PDE4D: variants seen among roughly 807,000 people sequenced by gnomAD.
The protein encoded by PDE4D is 3',5'-cyclic-AMP phosphodiesterase 4D.
Under a neutral mutation model 87.4 loss-of-function variants are expected in PDE4D, and 24 were observed. The ratio of observed to expected loss-of-function variants is 0.27; its 90% CI spans 0.20 to 0.39. PDE4D has a LOEUF of 0.39. PDE4D is among the 10% of genes least tolerant of loss of function. The pLI is 1.00. For missense variants in PDE4D, 714 were observed against 1,041.0 expected (o/e 0.69, Z 4.32); for synonymous variants, 384 against 383.2 (o/e 1.00, Z -0.02).
At chr5:59,384,508 C>T (rs961766979) in intron 1 of PDE4D, among the ~76,000 whole-genome samples, 32 of 151,984 alleles carry the variant, frequency 2.1e-4, no homozygotes, top group African/African-American at 6.8e-4. Context: ...AGCTCCCTGT[C>T]GATGATATGT....
intron 1 of PDE4D, among the ~76,000 whole-genome samples, chr5:60,214,682 G>T (rs1423967671): frequency 1.3e-5 from 2 of 152,056 alleles, no homozygotes; most frequent in Admixed American, 1.3e-4. Context: ...TTTTAACCAT[G>T]GTGCATGGTC....
At chr5:60,171,335 T>C (rs1172238723) in intron 2 of PDE4D, among the ~76,000 whole-genome samples, 1 of 152,038 alleles carries the variant, frequency 6.6e-6, no homozygotes. Context: ...CGGGGAGAGA[T>C]ACTCTTTACA....
intron 1 of PDE4D, among the ~76,000 whole-genome samples, chr5:59,633,760 A>T (rs1831870791): frequency 6.6e-6 from 1 of 152,176 alleles, no homozygotes. Flanking sequence ...GAAAGGAAAA[A>T]CTGATACCAG....
intron 1 of PDE4D, among the ~76,000 whole-genome samples, chr5:60,373,429 T>C (rs1761189518): frequency 6.6e-6 from 1 of 152,182 alleles, no homozygotes; most frequent in Non-Finnish European, 1.5e-5. Context: ...ATGGGTTTTC[T>C]ATTATGTTTA....
At chr5:59,936,192 T>C (rs1581809570) in intron 3 of PDE4D, among the ~76,000 whole-genome samples, 1 of 151,920 alleles carries the variant, frequency 6.6e-6, no homozygotes, top group African/African-American at 2.4e-5. Context: ...AGGGGAACAT[T>C]ACACACCGGG....
At chr5:60,301,324 A>G (rs1407081606) in intron 1 of PDE4D, among the ~76,000 whole-genome samples, 2 of 152,180 alleles carry the variant, frequency 1.3e-5, no homozygotes, top group Non-Finnish European at 1.5e-5. Context: ...TTTTCACAAT[A>G]TTGATTCTTC....
chr5:59,905,621 A>G (rs1367311602), intron 3 of PDE4D, among the ~76,000 whole-genome samples: 2 of 152,172 alleles, frequency 1.3e-5, no homozygotes, highest in African/African-American at 2.4e-5. Flanking sequence ...TCATCGATGA[A>G]AATAACAGAA....
chr5:59,408,559 T>C lies in PDE4D; in HGVS notation c.456-192591A>G, dbSNP rs544952788. ...TGGAACTGTGGGAAGGAAGCCATTG[T>C]TCTGTGGGTCCCAGAATGTAGATCC... On this transcript the variant is annotated intron_variant, in intron 1 of 14. Coordinates refer to ENST00000340635, the MANE Select transcript of PDE4D (RefSeq NM_001104631.2). Among the ~76,000 whole-genome samples, 71 of 152,322 alleles carry C rather than the reference T, an allele frequency of 4.7e-4. 1 individual carries two copies. The highest frequency in any genetic ancestry group is 1.6e-3 in the African/African-American group (68 of 41,578).
At chr5:60,050,490 G>A (rs1769991620) in intron 2 of PDE4D, among the ~76,000 whole-genome samples, 1 of 152,154 alleles carries the variant, frequency 6.6e-6, no homozygotes, top group Non-Finnish European at 1.5e-5. Context: ...AATCCTGAGA[G>A]ATTTTGTCAC....
intron 2 of PDE4D, among the ~76,000 whole-genome samples, chr5:60,041,382 A>G (rs1768461285): frequency 6.6e-6 from 1 of 152,224 alleles, no homozygotes; most frequent in African/African-American, 2.4e-5. Flanking sequence ...CAGATGAAAC[A>G]ATAGCTAATT....
At chr5:60,070,556 G>C (rs1167390829) in intron 2 of PDE4D, among the ~76,000 whole-genome samples, 1 of 152,002 alleles carries the variant, frequency 6.6e-6, no homozygotes, top group Non-Finnish European at 1.5e-5. Flanking sequence ...TTTGGTCATG[G>C]TGTATAATCC....
rs371079933 is a variant in PDE4D, at chr5:59,653,510, T to C, written c.455+239658A>G. 7.9e-5 allele frequency among the ~76,000 whole-genome samples: 12 copies of C among 152,350 alleles called. No homozygotes were observed. The East Asian group carries it at 2.3e-3, about 29-fold the overall frequency. On this transcript the variant is annotated intron_variant, in intron 1 of 14. Transcript: ENST00000340635. ...TTTGAATCCACCGTAGTGAAAGTGA[T>C]GTTTATACGTAGAAGTGGGGTGTGG...
Position 59,771,478 on chromosome 5 carries a change from A to AGAGAGAGAG in PDE4D, c.455+121689_455+121690insCTCTCTCTC, listed in dbSNP as rs879905597. 2.2e-3 allele frequency among the ~76,000 whole-genome samples: 224 copies of AGAGAGAGAG among 102,664 alleles called. 1 individual carries two copies. The highest frequency in any genetic ancestry group is 7.4e-3 in the African/African-American group (183 of 24,794). 67.4% of individuals were successfully genotyped at this position (102,664 alleles called of 152,430 possible). A position where few individuals can be genotyped will look rare whatever the true frequency, so the allele number is the denominator to read the frequency against. On this transcript the variant is annotated intron_variant, in intron 1 of 14. Coordinates refer to ENST00000340635, the MANE Select transcript of PDE4D (RefSeq NM_001104631.2). ...GAAAGAAAGAAAGAAAGAAAGAAAGAAAGAAAGAGAGAGAGAGAGAGAAGA... is the reference window on the plus strand; with the variant it reads ...GAAAGAAAGAAAGAAAGAAAGAAAGAGAGAGAGAGAAGAAAGAGAGAGAGAGAGAGAAGA...
At chr5:59,897,134 G>C (rs188984372), upstream of PDE4D, among the ~76,000 whole-genome samples, 309 of 152,304 alleles carry the variant, frequency 2.0e-3, no homozygotes, top group African/African-American at 7.2e-3. Context: ...TAAATGATCA[G>C]TATCTTTTTC....
intron 1 of PDE4D, among the ~76,000 whole-genome samples, chr5:60,329,847 C>T (rs1172288692): frequency 2.6e-5 from 4 of 152,036 alleles, no homozygotes; most frequent in Middle Eastern, 3.4e-3. Flanking sequence ...TTAAAAATGA[C>T]CAAAGCCTGC....
At chr5:59,659,720 T>A (rs537772964) in intron 1 of PDE4D, among the ~76,000 whole-genome samples, 1 of 152,326 alleles carries the variant, frequency 6.6e-6, no homozygotes, top group African/African-American at 2.4e-5. Flanking sequence ...TCATCTATCA[T>A]AATGTTCCCT....
chr5:59,458,462 G>A (rs917294577), intron 1 of PDE4D, among the ~76,000 whole-genome samples: 5 of 152,206 alleles, frequency 3.3e-5, no homozygotes, highest in Non-Finnish European at 7.4e-5. Context: ...ATTTTGAACT[G>A]CAGAGGACAT....
chr5:59,940,614 A>G (rs1380029283), intron 3 of PDE4D, among the ~76,000 whole-genome samples: 1 of 152,178 alleles, frequency 6.6e-6, no homozygotes, highest in Non-Finnish European at 1.5e-5. Flanking sequence ...ACTGGGAGAT[A>G]GAGGGAGTTA....
chr5:59,337,691 T>C (rs1189210707), intron 1 of PDE4D, among the ~76,000 whole-genome samples: 1 of 152,202 alleles, frequency 6.6e-6, no homozygotes, highest in African/African-American at 2.4e-5. Context: ...TGTGTTGATA[T>C]GTTCTGATTG....
Sources: allele counts gnomAD v4.1 joint callset (sites outside exome capture counted in the v4.1 genomes callset), GRCh38; gene constraint gnomAD v4.1.1; transcripts MANE v1.5; gene names NCBI Gene and HGNC (gene_info 2026-07-23, HGNC 2026-07-21).